MSRB3: variants seen among roughly 807,000 people sequenced by gnomAD.
MSRB3 encodes methionine sulfoxide reductase B3.
Under a neutral mutation model 21.0 loss-of-function variants are expected in MSRB3, and 13 were observed. The observed-to-expected ratio is 0.62, with a 90% CI of 0.40 to 0.98. The LOEUF is 0.98. Ranked by LOEUF, MSRB3 falls within the 50% of genes least tolerant of loss-of-function variation. MSRB3 has a pLI of 0.00. For synonymous variants in MSRB3, 87 were observed against 88.6 expected (o/e 0.98, Z 0.10); for missense variants, 199 against 230.3 (o/e 0.86, Z 0.88).
chr12:65,413,007 G>T (rs532893166), intron 5 of MSRB3, among the ~76,000 whole-genome samples: 32 of 152,242 alleles, frequency 2.1e-4, no homozygotes, highest in African/African-American at 7.0e-4. Context: ...AACTCCATCT[G>T]GTCCCTCCCT....
chr12:65,314,082 C>A (rs1470278679), intron 2 of MSRB3, among the ~76,000 whole-genome samples: 2 of 152,104 alleles, frequency 1.3e-5, no homozygotes, highest in Non-Finnish European at 2.9e-5. Flanking sequence ...GAGCACAAAA[C>A]CTTTTTCCAT....
intron 5 of MSRB3, among the ~76,000 whole-genome samples, chr12:65,403,527 C>T (rs551840605): frequency 6.6e-6 from 1 of 152,308 alleles, no homozygotes; most frequent in South Asian, 2.1e-4. Flanking sequence ...GCCAGTGGAT[C>T]TTAACTTGCT....
intron 5 of MSRB3, among the ~76,000 whole-genome samples, chr12:65,382,846 C>A (rs1001090142): frequency 8.6e-5 from 13 of 151,982 alleles, no homozygotes; most frequent in African/African-American, 3.1e-4. Context: ...CACACACCCC[C>A]ACCACACACG....
At chr12:65,282,340 G>A (rs1299213005) in intron 1 of MSRB3, among the ~76,000 whole-genome samples, 1 of 151,732 alleles carries the variant, frequency 6.6e-6, no homozygotes, top group South Asian at 2.1e-4. Flanking sequence ...AAATTGCTCA[G>A]CACAGTCCCT....
intron 4 of MSRB3, among the ~76,000 whole-genome samples, chr12:65,351,899 TACCA>T (rs1877026670): frequency 6.6e-6 from 1 of 152,120 alleles, no homozygotes; most frequent in Non-Finnish European, 1.5e-5. Context: ...GAGGAACTGG[TACCA>T]TTCCTTCTGA....
chr12:65,398,604 T>C (rs1879945266), intron 5 of MSRB3, among the ~76,000 whole-genome samples: 1 of 152,210 alleles, frequency 6.6e-6, no homozygotes, highest in Admixed American at 6.5e-5. Flanking sequence ...ACAAGCTCTT[T>C]AGTTTAATTA....
In MSRB3 at chr12:65,376,501, C is replaced by T. The variant is rs145925717; in HGVS notation, c.292+7475C>T. Among the ~76,000 whole-genome samples the T allele has an allele frequency of 4.3e-3, 659 of 152,278 alleles. 7 individuals are homozygous for T. Among genetic ancestry groups the T allele is most frequent in the Middle Eastern group, 0.017 (5 of 294 alleles). The stretch of plus-strand genomic sequence containing the variant: ...TGGCAGCCAATTTACTTGGGACATG[C>T]GTTACACTTGTCTCCTTGTAGAGAA... On this transcript the variant is annotated intron_variant, in intron 5 of 6. Transcript: ENST00000308259.
intron 2 of MSRB3, among the ~76,000 whole-genome samples, chr12:65,320,545 C>T (rs1368124514): frequency 6.6e-6 from 1 of 152,014 alleles, no homozygotes; most frequent in Non-Finnish European, 1.5e-5. Flanking sequence ...CCAGAAACAG[C>T]CATTGAGTAT....
At position 65,380,783 on chromosome 12, in the gene MSRB3, T is replaced by G. The variant is rs1405679764; in HGVS notation, c.292+11757T>G. On this transcript the variant is annotated intron_variant, in intron 5 of 6. Coordinates refer to ENST00000308259, the MANE Select transcript of MSRB3 (RefSeq NM_001031679.3). ...GACCAAAGCACAGGAAGTTTAGATA[T>G]TTGCCCAAGGTCACATAGCTAGTAA... Among the ~76,000 whole-genome samples the G allele has an allele frequency of 2.6e-5, 4 of 152,186 alleles. No individual in the cohort carries two copies. The East Asian group carries it at 7.7e-4, about 29-fold the overall frequency.
intron 6 of MSRB3, 94 bp from the exon 7 acceptor site, chr12:65,463,061 C>A: frequency 7.0e-7 from 1 of 1,424,504 alleles, no homozygotes; most frequent in Non-Finnish European, 9.9e-7. Flanking sequence ...CATTTCTCTA[C>A]AGGCTGGTCA....
chr12:65,426,184 T>C (rs1377104554), intron 5 of MSRB3, among the ~76,000 whole-genome samples: 2 of 152,120 alleles, frequency 1.3e-5, no homozygotes, highest in Non-Finnish European at 2.9e-5. Flanking sequence ...ATGTTACTAT[T>C]TTTTGTCTGT....
chr12:65,337,324 C>T, intron 4 of MSRB3, among the ~76,000 whole-genome samples: 1 of 148,384 alleles, frequency 6.7e-6, no homozygotes, highest in Non-Finnish European at 1.5e-5. Flanking sequence ...GTCTCAGCTA[C>T]TTGGGAGGCT....
At chr12:65,417,949 G>A (rs908440091) in intron 5 of MSRB3, among the ~76,000 whole-genome samples, 2 of 152,218 alleles carry the variant, frequency 1.3e-5, no homozygotes, top group African/African-American at 2.4e-5. Flanking sequence ...AAACATGGGA[G>A]TGCAGATATC....
At chr12:65,363,395 C>T (rs977768075) in intron 4 of MSRB3, among the ~76,000 whole-genome samples, 42 of 152,152 alleles carry the variant, frequency 2.8e-4, no homozygotes, top group African/African-American at 9.9e-4. Flanking sequence ...TAAATTTGTC[C>T]AGGAGTATAC....
intron 4 of MSRB3, among the ~76,000 whole-genome samples, chr12:65,365,742 A>G (rs10878264): frequency 0.28 from 42,876 of 152,056 alleles, 6,555 homozygotes; most frequent in South Asian, 0.38. Context: ...ATACCAACCT[A>G]TCTTGACACA....
chr12:65,382,853 C>T (rs1337749952), intron 5 of MSRB3, among the ~76,000 whole-genome samples: 1 of 151,880 alleles, frequency 6.6e-6, no homozygotes, highest in East Asian at 1.9e-4. Context: ...CCCCACCACA[C>T]ACGTGTATAT....
chr12:65,441,909 C>A (rs1882399464), intron 5 of MSRB3, among the ~76,000 whole-genome samples: 1 of 152,010 alleles, frequency 6.6e-6, no homozygotes, highest in Non-Finnish European at 1.5e-5. Context: ...GGCAAAACAC[C>A]ATTTGTCATA....
At chr12:65,389,442 A>C (rs1592591058) in intron 5 of MSRB3, among the ~76,000 whole-genome samples, 2 of 151,150 alleles carry the variant, frequency 1.3e-5, no homozygotes, top group Non-Finnish European at 3.0e-5. Context: ...TCATGTAAGA[A>C]CTCCTTACAC....
intron 5 of MSRB3, among the ~76,000 whole-genome samples, chr12:65,410,049 A>T: frequency 6.6e-6 from 1 of 151,954 alleles, no homozygotes; most frequent in South Asian, 2.1e-4. Context: ...GGCGTGTTGT[A>T]TTTGAAACCT....
Sources: gnomAD v4.1 joint callset for allele counts (sites outside exome capture counted in the v4.1 genomes callset) on GRCh38, gnomAD v4.1.1 for gene constraint, MANE v1.5 for transcripts, NCBI Gene and HGNC (gene_info 2026-07-23, HGNC 2026-07-21) for gene names.